CACNA1D: variants seen among roughly 807,000 people sequenced by gnomAD.
CACNA1D encodes the protein voltage-dependent L-type calcium channel subunit alpha-1D.
In CACNA1D, 55 loss-of-function variants were observed where a neutral mutation model predicts 257.1. That is an observed-to-expected ratio of 0.21 (90% CI 0.17 to 0.27). CACNA1D has a LOEUF of 0.27. Ranked by LOEUF, CACNA1D falls within the 10% of genes least tolerant of loss-of-function variation. The pLI is 1.00. For synonymous variants in CACNA1D, 980 were observed against 1,014.9 expected (o/e 0.97, Z 0.65); for missense variants, 1,876 against 2,784.0 (o/e 0.67, Z 7.34).
intron 3 of CACNA1D, chr3:53,530,492 A>C (rs944454189): frequency 1.3e-5 from 2 of 152,242 alleles, no homozygotes. Context: ...CACATGATTT[A>C]GAAAGACCTC....
At chr3:53,538,141 G>GTTGTTTTTTTTTT (rs2092170774) in intron 3 of CACNA1D, among the ~76,000 whole-genome samples, 4 of 90,476 alleles carry the variant, frequency 4.4e-5, no homozygotes, top group African/African-American at 2.4e-4. Flanking sequence ...AGTTTTTGAA[G>GTTGTTTTTTTTTT]TTTTTTTTTT....
chr3:53,608,412 T>C (rs919657623), intron 3 of CACNA1D, among the ~76,000 whole-genome samples: 3 of 152,220 alleles, frequency 2.0e-5, no homozygotes, highest in African/African-American at 7.2e-5. Flanking sequence ...ATATAGATCA[T>C]GTCATTTGTG....
Position 53,774,719 on chromosome 3 carries a change from G to GT in CACNA1D, c.4202+42dup. 1 of 1,193,742 alleles carries GT rather than the reference G, an allele frequency of 8.4e-7. No homozygotes were observed. The highest frequency in any genetic ancestry group is 1.3e-6 in the Non-Finnish European group (1 of 796,370). The allele number at this position is 1,193,742 out of a possible 1,614,324, so 73.9% of individuals were successfully genotyped here. ...TTGGGCGGTGCTCCTGGGCAGGGGG[G>GT]TCCGCTAGGCGTGGGTCCAGAGGGA... On this transcript the variant is annotated intron_variant, in intron 34 of 47. Transcript: ENST00000350061. The surrounding 1 kb of genome is among the most constrained non-coding windows in gnomAD (Gnocchi z 4.3).
At chr3:53,570,447 A>C (rs558398188) in intron 3 of CACNA1D, among the ~76,000 whole-genome samples, 3 of 152,226 alleles carry the variant, frequency 2.0e-5, no homozygotes, top group Non-Finnish European at 4.4e-5. Flanking sequence ...CCTGAGGTAT[A>C]GCTATGGAAA....
intron 3 of CACNA1D, among the ~76,000 whole-genome samples, chr3:53,559,933 A>G (rs1034538138): frequency 7.0e-6 from 1 of 143,850 alleles, no homozygotes; most frequent in African/African-American, 2.5e-5. Flanking sequence ...CTTCTTTCTC[A>G]GAGTTTTAGG....
At chr3:53,598,541 C>T (rs2093400674) in intron 3 of CACNA1D, among the ~76,000 whole-genome samples, 1 of 150,880 alleles carries the variant, frequency 6.6e-6, no homozygotes, top group Non-Finnish European at 1.5e-5. Flanking sequence ...ACTGAGATTG[C>T]ACCACTGCAC....
intron 3 of CACNA1D, among the ~76,000 whole-genome samples, chr3:53,616,937 G>A (rs1468229175): frequency 6.6e-6 from 1 of 152,108 alleles, no homozygotes; most frequent in Non-Finnish European, 1.5e-5. Context: ...AATGGTTGGT[G>A]TCACAGTAGG....
At chr3:53,677,615 T>C (rs58086880) in intron 8 of CACNA1D, among the ~76,000 whole-genome samples, 43,308 of 152,204 alleles carry the variant, frequency 0.28, 6,100 homozygotes, top group Middle Eastern at 0.38. Context: ...GGCCACACTT[T>C]ACACACACAT....
At chr3:53,782,260 G>GTATATATATATATA (rs1462213888) in intron 39 of CACNA1D, 59 of 46,244 alleles carry the variant, frequency 1.3e-3, no homozygotes, top group Admixed American at 0.012. Flanking sequence ...GTGTGTGTGT[G>GTATATATATATATA]TGTGTATATA....
intron 3 of CACNA1D, among the ~76,000 whole-genome samples, chr3:53,635,788 A>G (rs574901081): frequency 6.6e-6 from 1 of 152,180 alleles, no homozygotes; most frequent in East Asian, 1.9e-4. Flanking sequence ...TAAACTTGCA[A>G]CCTGGTTCCA....
chr3:53,501,669 T>A lies in CACNA1D; in HGVS notation c.432T>A (p.Ala144=). Residue 144 remains alanine, a synonymous_variant, in exon 3 of 48, where the codon GCT becomes GCA. Coordinates refer to ENST00000350061, the MANE Select transcript of CACNA1D (RefSeq NM_001128840.3). ...LAIFANCVAL[A]IYIPFPEDDS... ...TTTTTGCCAATTGTGTGGCCTTAGC[T>A]ATTTACATCCCATTCCCTGAAGATG... 1.9e-6 allele frequency: 3 copies of A among 1,605,694 alleles called. No individual in the cohort carries two copies. In the South Asian group the frequency reaches 3.3e-5, roughly 18 times the overall value.
chr3:53,734,017 TA>T (rs2095031378), intron 19 of CACNA1D, among the ~76,000 whole-genome samples: 1 of 1,268 alleles, frequency 7.9e-4, no homozygotes, highest in Non-Finnish European at 1.2e-3. Context: ...TATGTGTGTG[TA>T]TATATATATA....
chr3:53,757,485 C>T (rs1036312542), intron 29 of CACNA1D, among the ~76,000 whole-genome samples: 6 of 152,324 alleles, frequency 3.9e-5, no homozygotes, highest in Admixed American at 2.0e-4. Context: ...TCTATGCCTC[C>T]CTGCCTTCAA....
rs1394244710 is a variant in CACNA1D, at chr3:53,747,338, C to T, written c.3204C>T (p.Asp1068=). 2 of 1,613,862 alleles carry T rather than the reference C, an allele frequency of 1.2e-6. No individual in the cohort carries two copies. Residue 1068 remains aspartate, a synonymous_variant, in exon 26 of 48, where the codon GAC becomes GAT. Transcript: ENST00000350061. ...TCCTCTACAAGGATGGGGATGTTGA[C>T]AGTCCTGTGGTCCGTGAACGGATCT... ...LFILYKDGDV[D]SPVVRERIWQ...
chr3:53,713,061 A>T (rs13075639), intron 9 of CACNA1D, among the ~76,000 whole-genome samples: 32,787 of 152,158 alleles, frequency 0.22, 3,879 homozygotes, highest in African/African-American at 0.26. Context: ...TCAGTTCTCC[A>T]GTGCAGGCTG....
intron 42 of CACNA1D, 66 bp from the exon 43 acceptor site, chr3:53,802,081 G>A: frequency 1.4e-6 from 2 of 1,381,748 alleles, no homozygotes; most frequent in Non-Finnish European, 2.1e-6. Flanking sequence ...TGTTTGCATT[G>A]TAAATTTGGT....
At chr3:53,496,771 A>G (rs1011011505) in intron 1 of CACNA1D, among the ~76,000 whole-genome samples, 1 of 152,076 alleles carries the variant, frequency 6.6e-6, no homozygotes, top group Admixed American at 6.5e-5. Flanking sequence ...AAGCTGTTGT[A>G]TGTATCTGTT....
intron 9 of CACNA1D, chr3:53,710,326 G>C: frequency 2.3e-6 from 1 of 442,332 alleles, no homozygotes; most frequent in Non-Finnish European, 4.6e-6. Context: ...GGCCGCGTGG[G>C]GCCCTGGTTT....
intron 9 of CACNA1D, among the ~76,000 whole-genome samples, chr3:53,708,118 T>C (rs2094711388): frequency 6.6e-6 from 1 of 152,222 alleles, no homozygotes; most frequent in South Asian, 2.1e-4. Context: ...CCTAGTTGCC[T>C]CTTACTGCAA....
Sources: gnomAD v4.1 joint callset for allele counts (sites outside exome capture counted in the v4.1 genomes callset) on GRCh38, gnomAD v4.1.1 for gene constraint, Gnocchi (gnomAD v3.1) non-coding constraint, MANE v1.5 for transcripts, NCBI Gene and HGNC (gene_info 2026-07-23, HGNC 2026-07-21) for gene names.